The following KIF20B variants were observed in gnomAD, a reference collection of about 807,000 sequenced individuals.
KIF20B encodes the protein kinesin-like protein KIF20B.
A neutral mutation model predicts 232.5 loss-of-function variants in KIF20B; 188 were observed. The ratio of observed to expected loss-of-function variants is 0.81; its 90% CI spans 0.72 to 0.91. The LOEUF is 0.91. KIF20B is among the 40% of genes least tolerant of loss of function. The probability of loss-of-function intolerance (pLI) is 0.00; values close to 1 mark genes in which losing one functional copy is unlikely to be tolerated. For synonymous variants in KIF20B, 712 were observed against 683.0 expected, an observed-to-expected ratio of 1.04 and a Z score of -0.66; for missense variants, 2,154 against 2,055.9, an observed-to-expected ratio of 1.05 and a Z score of -0.92.
rs1843007192 is a variant in KIF20B, at chr10:89,719,617, A to G, written c.1633A>G (p.Thr545Ala). Residue 545 changes from threonine to alanine, a missense_variant, in exon 13 of 33, where the codon ACT becomes GCT. Thr to Ala is a moderately conservative substitution (Grantham distance 58). Transcript: ENST00000371728. Reference sequence around the variant, plus strand: ...TGAGGAGCTAGAAAACGCTGAAGAAACTCAAAATGTGGAAACTAAACTTCT... The same window carrying G: ...TGAGGAGCTAGAAAACGCTGAAGAAGCTCAAAATGTGGAAACTAAACTTCT... ...LVEELENAEE[T>A]QNVETKLLDE... 5 of 1,613,314 alleles carry G rather than the reference A, an allele frequency of 3.1e-6. No homozygotes were observed.
At chr10:89,756,040 C>G (rs902886435) in intron 26 of KIF20B, among the ~76,000 whole-genome samples, 3 of 152,144 alleles carry the variant, frequency 2.0e-5, no homozygotes, top group Non-Finnish European at 4.4e-5. Flanking sequence ...GCTAAACTTT[C>G]CAGCATGCTT....
chr10:89,737,785 ATAAAAT>A lies in KIF20B; in HGVS notation c.2948_2953del (p.Lys983_Leu984del), dbSNP rs1841691436. On this transcript the variant is annotated inframe_deletion, in exon 20 of 33. Transcript: ENST00000371728. ...AAGCATTACAAATAATGTTTCACAA[ATAAAAT>A]TAATGCACACGAAAATAGACGAACT... 4 of 1,612,692 alleles carry A rather than the reference ATAAAAT, an allele frequency of 2.5e-6. No homozygotes were observed. Among genetic ancestry groups the A allele is most frequent in the Non-Finnish European group, 1.7e-6 (2 of 1,179,216 alleles).
At chr10:89,708,481 G>C (rs918676100) in intron 2 of KIF20B, among the ~76,000 whole-genome samples, 1 of 152,136 alleles carries the variant, frequency 6.6e-6, no homozygotes, top group Admixed American at 6.5e-5. Context: ...AAAGTGTTGG[G>C]ATTACAGGCA....
At chr10:89,701,910 A>G (rs972744685) in intron 1 of KIF20B, among the ~76,000 whole-genome samples, 1 of 152,166 alleles carries the variant, frequency 6.6e-6, no homozygotes, top group African/African-American at 2.4e-5. Flanking sequence ...CTCCACTGCT[A>G]ATTAGCTGAG....
rs1324093442 is a variant in KIF20B at position 89,715,126 on chromosome 10, A to G, written c.884A>G (p.Gln295Arg). The change falls in exon 8 of 33, where the codon CAA (glutamine) becomes CGA (arginine). Residue 295 changes from glutamine (Q) to arginine (R), a missense_variant. By Grantham distance (43) the Gln-to-Arg change is conservative. Coordinates refer to ENST00000371728, the MANE Select transcript of KIF20B (RefSeq NM_001284259.2). Reference sequence around the variant, plus strand: ...TTTGTTCCTGTATCATCTAAATTCCAAAAGAGAAAGATGCTGCGCCTTTCC... The same window carrying G: ...TTTGTTCCTGTATCATCTAAATTCCGAAAGAGAAAGATGCTGCGCCTTTCC... ...DLFVPVSSKFQKRKMLRLSQD... is the reference protein window; with the variant it reads ...DLFVPVSSKFRKRKMLRLSQD... 1.7e-5 allele frequency: 28 copies of G among 1,608,488 alleles called. No individual in the cohort carries two copies. In the Admixed American group the frequency reaches 4.4e-4, roughly 25 times the overall value.
intron 15 of KIF20B, among the ~76,000 whole-genome samples, chr10:89,725,372 T>C (rs1055870525): frequency 6.6e-5 from 10 of 152,064 alleles, no homozygotes; most frequent in African/African-American, 1.2e-4. Context: ...CTCTGTTATA[T>C]ATATATATAT....
intron 19 of KIF20B, among the ~76,000 whole-genome samples, chr10:89,737,022 G>A (rs955153149): frequency 6.6e-6 from 1 of 151,996 alleles, no homozygotes; most frequent in Non-Finnish European, 1.5e-5. Context: ...AGGGTTTCTC[G>A]TCATCTCCTC....
chr10:89,709,089 T>G, intron 2 of KIF20B, 78 bp from the exon 3 acceptor site: 1 of 897,128 alleles, frequency 1.1e-6, no homozygotes, highest in Non-Finnish European at 1.8e-6. Context: ...ATGTAAAAAG[T>G]AGCCATGTTA....
At chr10:89,755,653 G>A (rs190291134) in intron 26 of KIF20B, among the ~76,000 whole-genome samples, 7 of 151,788 alleles carry the variant, frequency 4.6e-5, no homozygotes, top group Admixed American at 3.3e-4. Context: ...GAATGCAGTG[G>A]TGCAGTCATG....
chr10:89,737,816 T>C lies in KIF20B; in HGVS notation c.2975T>C (p.Leu992Pro), dbSNP rs762726364. The change falls in exon 20 of 33, where the codon CTA becomes CCA. Residue 992 changes from leucine (L) to proline (P), a missense_variant. Transcript: ENST00000371728. ...TTAATGCACACGAAAATAGACGAAC[T>C]ACGTACTCTTGATTCAGTTTCTCAG... ...IKLMHTKIDE[L>P]RTLDSVSQIS... 2.5e-6 allele frequency: 4 copies of C among 1,612,992 alleles called. No homozygotes were observed. In the African/African-American group the frequency reaches 5.3e-5, roughly 22 times the overall value.
At chr10:89,768,421 G>A (rs753556896) in intron 30 of KIF20B, 30 bp downstream of exon 30, 3 of 1,275,872 alleles carry the variant, frequency 2.4e-6, no homozygotes, top group Admixed American at 4.3e-5. Context: ...CAAAATTGTA[G>A]CAATTATCCA....
chr10:89,731,707 G>A lies in KIF20B; in HGVS notation c.2392-1196G>A, dbSNP rs115018737. Among the ~76,000 whole-genome samples, 480 of 152,196 alleles carry A rather than the reference G, an allele frequency of 3.2e-3. 3 individuals are homozygous for A. The highest frequency in any genetic ancestry group is 0.011 in the African/African-American group (446 of 41,514). The stretch of plus-strand genomic sequence containing the variant: ...ATCATTCTGATAGGTACCAAGGATC[G>A]GGGAAGGAACAACTTGGACTTGTTA... On this transcript the variant is annotated intron_variant, in intron 18 of 32. Transcript: ENST00000371728.
chr10:89,748,537 T>C lies in KIF20B; in HGVS notation c.4096+2578T>C, dbSNP rs1841962946. Among the ~76,000 whole-genome samples the C allele has an allele frequency of 2.0e-5, 3 of 152,202 alleles. No individual in the cohort carries two copies. The South Asian group carries it at 6.2e-4, about 32-fold the overall frequency. On this transcript the variant is annotated intron_variant, in intron 23 of 32. Transcript: ENST00000371728. Reference sequence around the variant, plus strand: ...CCAGATTATTACTTATTTAGCTGACTTATACATTGGTGGGGTTAACTTGGA... The same window carrying C: ...CCAGATTATTACTTATTTAGCTGACCTATACATTGGTGGGGTTAACTTGGA...
Position 89,717,510 on chromosome 10 carries a change from C to T in KIF20B, c.1124+15C>T, listed in dbSNP as rs757418454. On this transcript the variant is annotated intron_variant, in intron 10 of 32. Coordinates refer to ENST00000371728, the MANE Select transcript of KIF20B (RefSeq NM_001284259.2). ...CGAGTCAGTGAGTAAGTTGAATATTCTTTAAATTTAATTATTTGTAATTGT... is the reference window on the plus strand; with the variant it reads ...CGAGTCAGTGAGTAAGTTGAATATTTTTTAAATTTAATTATTTGTAATTGT... The T allele has an allele frequency of 7.6e-6, 12 of 1,584,638 alleles. No individual in the cohort carries two copies. The highest frequency in any genetic ancestry group is 1.0e-5 in the Non-Finnish European group (12 of 1,160,322).
In KIF20B at chr10:89,718,758, TC is replaced by T. The variant is rs746410890; in HGVS notation, c.1321del (p.Gln441LysfsTer12). 3.1e-6 allele frequency: 5 copies of T among 1,612,066 alleles called. No individual in the cohort carries two copies. The highest frequency in any genetic ancestry group is 4.2e-6 in the Non-Finnish European group (5 of 1,179,336). ...GGGAAAGTAAACTGACTCACTATTT[TC>T]AAAGTTTTTTTAATGGTAAAGGGAA... ...FRESKLTHYF[Q>X]SFFNGKGKIC... is the part of the protein sequence containing the mutation. On this transcript the variant is annotated frameshift_variant, in exon 12 of 33. Coordinates refer to ENST00000371728, the MANE Select transcript of KIF20B (RefSeq NM_001284259.2). LOFTEE classifies it high-confidence loss of function.
intron 7 of KIF20B, among the ~76,000 whole-genome samples, chr10:89,714,443 A>T (rs1218798775): frequency 6.6e-6 from 1 of 152,036 alleles, no homozygotes; most frequent in Non-Finnish European, 1.5e-5. Flanking sequence ...GCGCCACTGC[A>T]CTCCAGCCTG....
At position 89,717,458 on chromosome 10, in the gene KIF20B, G is replaced by A; in HGVS notation, c.1087G>A (p.Glu363Lys). 1 of 1,594,870 alleles carries A rather than the reference G, an allele frequency of 6.3e-7. No homozygotes were observed. Among genetic ancestry groups the A allele is most frequent in the Non-Finnish European group, 8.6e-7 (1 of 1,165,344 alleles). The change falls in exon 10 of 33, where the codon GAA (glutamate) becomes AAA (lysine). Residue 363 changes from glutamate (E) to lysine (K), a missense_variant. Coordinates refer to ENST00000371728, the MANE Select transcript of KIF20B (RefSeq NM_001284259.2). The part of the protein sequence containing the change: ...SIFTVKILQI[E>K]DSEMSRVIRV... ...ATTCACTGTTAAAATATTACAGATTGAAGATTCTGAAATGTCTCGTGTAAT... is the reference window on the plus strand; with the variant it reads ...ATTCACTGTTAAAATATTACAGATTAAAGATTCTGAAATGTCTCGTGTAAT...
chr10:89,729,467 G>A (rs1319169940), intron 18 of KIF20B, among the ~76,000 whole-genome samples: 3 of 152,154 alleles, frequency 2.0e-5, no homozygotes, highest in African/African-American at 7.2e-5. Context: ...CACAAGATAC[G>A]CTGGCAGTGC....
chr10:89,770,967 G>A (rs983170885), intron 31 of KIF20B, among the ~76,000 whole-genome samples: 2 of 151,912 alleles, frequency 1.3e-5, no homozygotes, highest in African/African-American at 2.4e-5. Context: ...ATTATTCTAC[G>A]GTTTGATAAC....
Sources: gnomAD v4.1 joint callset for allele counts (sites outside exome capture counted in the v4.1 genomes callset) on GRCh38, gnomAD v4.1.1 for gene constraint, MANE v1.5 for transcripts, NCBI Gene and HGNC (gene_info 2026-07-23, HGNC 2026-07-21) for gene names.